Variants in GET1 observed in about 807,000 individuals in gnomAD.
GET1 encodes guided entry of tail-anchored proteins factor 1.
GET1 carries 20 observed loss-of-function variants against 22.6 expected under a neutral mutation model. The observed-to-expected ratio is 0.89, with a 90% confidence interval of 0.62 to 1.29. GET1 has a LOEUF of 1.29. Ranked by LOEUF, GET1 falls within the 50% of genes most tolerant of loss-of-function variation. The probability of loss-of-function intolerance (pLI) is 0.00; values close to 1 mark genes in which losing one functional copy is unlikely to be tolerated. For missense variants in GET1, 209 were observed against 219.9 expected (o/e 0.95, Z 0.31); for synonymous variants, 92 against 83.8 (o/e 1.10, Z -0.53).
chr21:39,392,742 C>A (rs1341895679), intron 3 of GET1, among the ~76,000 whole-genome samples: 1 of 152,144 alleles, frequency 6.6e-6, no homozygotes, highest in Admixed American at 6.5e-5. Context: ...GGATGGCTTT[C>A]GTCACTAATA....
At position 39,380,328 on chromosome 21, in the gene GET1, T is replaced by G. The variant is rs899063148; in HGVS notation, c.-57T>G. On this transcript the variant is annotated 5_prime_UTR_variant, in exon 1 of 5. Coordinates refer to ENST00000649170, the MANE Select transcript of GET1 (RefSeq NM_004627.6). ...ACCGCGCAGGCGCGGTCGCCGCTGT[T>G]GTTGTGGTCCCCATGGAGCTGCCGT... 6.5e-7 allele frequency: 1 copy of G among 1,547,282 alleles called. No individual in the cohort carries two copies. Among genetic ancestry groups the G allele is most frequent in the Non-Finnish European group, 8.7e-7 (1 of 1,145,316 alleles).
intron 1 of GET1, 153 bp downstream of exon 1, chr21:39,380,639 T>C: frequency 6.9e-7 from 1 of 1,442,768 alleles, no homozygotes; most frequent in South Asian, 1.4e-5. Context: ...GTTGTTAGCG[T>C]CTAAAAGGTA....
chr21:39,388,512 G>A (rs957805638), intron 1 of GET1, among the ~76,000 whole-genome samples: 6 of 152,212 alleles, frequency 3.9e-5, no homozygotes, highest in Non-Finnish European at 8.8e-5. Context: ...GTCATTTGTG[G>A]GTGTCAGAGG....
intron 1 of GET1, among the ~76,000 whole-genome samples, chr21:39,425,099 T>C (rs950834568): frequency 3.9e-5 from 6 of 152,214 alleles, no homozygotes; most frequent in Non-Finnish European, 8.8e-5. Flanking sequence ...TGCAAGTGTA[T>C]GTATTCATAT....
intron 1 of GET1, among the ~76,000 whole-genome samples, chr21:39,414,742 C>CTCTCTG (rs1341489035): frequency 1.8e-4 from 18 of 99,234 alleles, no homozygotes; most frequent in East Asian, 5.8e-4. Context: ...CTCTCTCTCT[C>CTCTCTG]TGTGTGTGTG....
downstream of GET1, chr21:39,410,207 C>A (rs977040347): frequency 2.1e-5 from 26 of 1,265,926 alleles, no homozygotes; most frequent in Non-Finnish European, 2.8e-5. Context: ...GTGACTGTAG[C>A]CTATTTTTGT....
chr21:39,393,387 G>A, intron 4 of GET1, 107 bp downstream of exon 4: 1 of 905,072 alleles, frequency 1.1e-6, no homozygotes, highest in South Asian at 1.6e-5. Flanking sequence ...TCCATTTAGT[G>A]AGCGGGGTTT....
intron 4 of GET1, among the ~76,000 whole-genome samples, chr21:39,396,453 G>A (rs547034121): frequency 1.4e-4 from 21 of 152,164 alleles, no homozygotes; most frequent in African/African-American, 4.1e-4. Context: ...GCGTGAACCC[G>A]GGAGGTAGAG....
In GET1 at chr21:39,428,410, T is replaced by C. The variant is rs142714945; in HGVS notation, c.*202T>C. ...CGCCTGTGCCTGGGCTTCTCTTGCA[T>C]GCTGCAGACCTCCTATTGTTTTCTA... On this transcript the variant is annotated 3_prime_UTR_variant, in exon 2 of 2. Transcript: ENST00000478273. 1.3e-3 allele frequency: 2,080 copies of C among 1,613,116 alleles called. 1 individual carries two copies. Among genetic ancestry groups the C allele is most frequent in the Non-Finnish European group, 1.7e-3 (1,960 of 1,179,716 alleles).
intron 1 of GET1, chr21:39,428,113 A>G: frequency 1.1e-6 from 1 of 928,270 alleles, no homozygotes; most frequent in Non-Finnish European, 1.7e-6. Flanking sequence ...ACACTAGTGC[A>G]GTAAAATAAC....
At position 39,386,690 on chromosome 21, in the gene GET1, A is replaced by G. The variant is rs996338134; in HGVS notation, c.103-4008A>G. Among the ~76,000 whole-genome samples, 49 of 152,320 alleles carry G rather than the reference A, an allele frequency of 3.2e-4. 1 individual carries two copies. Among genetic ancestry groups the G allele is most frequent in the South Asian group, 4.1e-4 (2 of 4,830 alleles). On this transcript the variant is annotated intron_variant, in intron 1 of 4. Transcript: ENST00000649170. Reference sequence around the variant, plus strand: ...GGGTGTGCACGTTGTCATGCCATCAATTAATTCAGAGATTCACTTTTGTTC... The same window carrying G: ...GGGTGTGCACGTTGTCATGCCATCAGTTAATTCAGAGATTCACTTTTGTTC...
At chr21:39,392,036 TAA>T in intron 3 of GET1, 200 bp downstream of exon 3, 1 of 554,784 alleles carries the variant, frequency 1.8e-6, no homozygotes, top group South Asian at 2.3e-5. Context: ...GGAGAGTTGT[TAA>T]AGTTTGGGAC....
intron 3 of GET1, among the ~76,000 whole-genome samples, chr21:39,392,340 G>A (rs1040581364): frequency 1.3e-5 from 2 of 152,106 alleles, no homozygotes; most frequent in African/African-American, 4.8e-5. Context: ...GCTCTGCCCC[G>A]AGAGTGCAGT....
At chr21:39,418,166 A>G (rs1017792470) in intron 1 of GET1, among the ~76,000 whole-genome samples, 4 of 152,146 alleles carry the variant, frequency 2.6e-5, no homozygotes, top group African/African-American at 7.2e-5. Context: ...ATTACCTCCC[A>G]CTGGGTCCCT....
chr21:39,382,735 G>A (rs1214730086), intron 1 of GET1, among the ~76,000 whole-genome samples: 1 of 152,064 alleles, frequency 6.6e-6, no homozygotes, highest in South Asian at 2.1e-4. Flanking sequence ...ATATCTCTTT[G>A]AGTCTCTGCT....
At chr21:39,396,420 C>A (rs551251224) in intron 4 of GET1, among the ~76,000 whole-genome samples, 1 of 151,970 alleles carries the variant, frequency 6.6e-6, no homozygotes, top group Non-Finnish European at 1.5e-5. Flanking sequence ...CCCAGCTACT[C>A]GGGAGGCTGA....
At chr21:39,402,491 C>T (rs2038865140), downstream of GET1, among the ~76,000 whole-genome samples, 1 of 152,224 alleles carries the variant, frequency 6.6e-6, no homozygotes, top group African/African-American at 2.4e-5. Flanking sequence ...GACCCCCTAA[C>T]TTGGGCTGCC....
At chr21:39,400,913 A>T (rs2038823402), downstream of GET1, among the ~76,000 whole-genome samples, 1 of 143,472 alleles carries the variant, frequency 7.0e-6, no homozygotes, top group South Asian at 2.2e-4. Flanking sequence ...CTTTTCCTGT[A>T]TTTTTTTTTT....
At chr21:39,389,024 A>G (rs1250514346) in intron 1 of GET1, among the ~76,000 whole-genome samples, 1 of 152,144 alleles carries the variant, frequency 6.6e-6, no homozygotes, top group Non-Finnish European at 1.5e-5. Flanking sequence ...CAACACCACA[A>G]GATTCATTCT....
Sources: gnomAD v4.1 joint callset for allele counts (sites outside exome capture counted in the v4.1 genomes callset) on GRCh38, gnomAD v4.1.1 for gene constraint, MANE v1.5 for transcripts, NCBI Gene and HGNC (gene_info 2026-07-23, HGNC 2026-07-21) for gene names.